The following PTPRF variants were observed in gnomAD, a reference collection of about 807,000 sequenced individuals.
PTPRF encodes the protein protein tyrosine phosphatase receptor type F.
Under a neutral mutation model 201.8 loss-of-function variants are expected in PTPRF, and 59 were observed. The observed-to-expected ratio is 0.29, with a 90% CI of 0.24 to 0.36. The LOEUF (loss-of-function observed/expected upper bound fraction) is 0.36. PTPRF is among the 10% of genes least tolerant of loss of function. PTPRF has a pLI of 1.00. For missense variants in PTPRF, 2,132 were observed against 2,690.5 expected, an observed-to-expected ratio of 0.79 and a Z score of 4.59; for synonymous variants, 1,088 against 1,089.7, an observed-to-expected ratio of 1.00 and a Z score of 0.03.
intron 3 of PTPRF, among the ~76,000 whole-genome samples, chr1:43,549,069 G>A (rs1431152132): frequency 6.6e-6 from 1 of 152,220 alleles, no homozygotes; most frequent in East Asian, 1.9e-4. Flanking sequence ...TACCCCGGGA[G>A]CTGTGCTGAA....
chr1:43,608,684 G>A (rs1655730848), intron 21 of PTPRF, among the ~76,000 whole-genome samples: 2 of 152,210 alleles, frequency 1.3e-5, no homozygotes, highest in Non-Finnish European at 2.9e-5. Flanking sequence ...AGACAGTCTC[G>A]CACAGAGCAA....
intron 5 of PTPRF, among the ~76,000 whole-genome samples, chr1:43,566,904 C>G (rs1646226066): frequency 6.6e-6 from 1 of 152,154 alleles, no homozygotes; most frequent in Non-Finnish European, 1.5e-5. Flanking sequence ...GAGCCAAGGA[C>G]AGAGCCACTG....
intron 30 of PTPRF, 104 bp from the exon 31 acceptor site, chr1:43,620,350 C>A: frequency 6.6e-7 from 1 of 1,521,716 alleles, no homozygotes. Context: ...CCTCAGGCGC[C>A]CGTTATTACT....
chr1:43,522,728 G>A (rs947390615), upstream of PTPRF, among the ~76,000 whole-genome samples: 4 of 152,244 alleles, frequency 2.6e-5, no homozygotes, highest in East Asian at 1.9e-4. Flanking sequence ...ATGGGGAGAG[G>A]GAAGGGGGAA....
intron 7 of PTPRF, among the ~76,000 whole-genome samples, chr1:43,581,676 G>A (rs1293843651): frequency 6.6e-6 from 1 of 152,250 alleles, no homozygotes; most frequent in African/African-American, 2.4e-5. Context: ...CTGACCACCA[G>A]CTCTGCATCC....
rs761723116 is a variant in PTPRF, at chr1:43,619,001, G to T, written c.4492-47G>T. On this transcript the variant is annotated intron_variant, in intron 26 of 33. Transcript: ENST00000359947. ...TCAGGTCATTCAGTCCTGAGTCTAT[G>T]GCAGGTAGGCTCCTAGTCGCCAGTA... The T allele has an allele frequency of 2.5e-6, 4 of 1,593,486 alleles. No homozygotes were observed. In the African/African-American group the frequency reaches 5.4e-5, roughly 21 times the overall value.
intron 22 of PTPRF, among the ~76,000 whole-genome samples, chr1:43,611,679 C>G (rs1360091679): frequency 1.3e-5 from 2 of 152,112 alleles, no homozygotes; most frequent in African/African-American, 4.8e-5. Context: ...GAAATTGAGG[C>G]AGGGAGACCA....
At chr1:43,582,016 C>T (rs1415211014) in intron 7 of PTPRF, among the ~76,000 whole-genome samples, 1 of 152,170 alleles carries the variant, frequency 6.6e-6, no homozygotes, top group East Asian at 1.9e-4. Context: ...TTACTGATGG[C>T]TTCCCACTGC....
chr1:43,577,165 G>A (rs142336241), intron 6 of PTPRF, among the ~76,000 whole-genome samples: 68 of 152,284 alleles, frequency 4.5e-4, no homozygotes, highest in African/African-American at 1.6e-3. Flanking sequence ...TGTGGCACCA[G>A]CCACCAGGTC....
chr1:43,558,163 G>A (rs530906042), intron 5 of PTPRF, among the ~76,000 whole-genome samples: 5 of 152,230 alleles, frequency 3.3e-5, no homozygotes, highest in South Asian at 2.1e-4. Flanking sequence ...AGTTGGGGTC[G>A]GGGAAGTAAG....
chr1:43,576,215 G>A (rs777927860), intron 6 of PTPRF, among the ~76,000 whole-genome samples: 8 of 152,252 alleles, frequency 5.3e-5, no homozygotes, highest in Non-Finnish European at 1.2e-4. Flanking sequence ...CCACAGAAGG[G>A]ACCCCATCAG....
intron 22 of PTPRF, among the ~76,000 whole-genome samples, chr1:43,612,484 TAGTCATAG>T (rs1656686023): frequency 1.3e-5 from 2 of 152,082 alleles, no homozygotes; most frequent in South Asian, 4.1e-4. Context: ...CTTAAGTATT[TAGTCATAG>T]AGCCCCCCAA....
Position 43,617,929 on chromosome 1 carries a change from T to G in PTPRF, c.4371+18T>G, listed in dbSNP as rs770351857. ...AGTCCCGGGTGAGGCTGCAGGGCCC[T>G]GCCAGGAGGCGGGTGGGAAATGCCC... On this transcript the variant is annotated intron_variant, in intron 25 of 33. Transcript: ENST00000359947. 1 of 1,592,546 alleles carries G rather than the reference T, an allele frequency of 6.3e-7. No homozygotes were observed. The highest frequency in any genetic ancestry group is 1.1e-5 in the South Asian group (1 of 89,864).
chr1:43,616,890 G>T (rs570878599), intron 23 of PTPRF, among the ~76,000 whole-genome samples: 32 of 152,240 alleles, frequency 2.1e-4, no homozygotes. Flanking sequence ...GGCCTAGAAG[G>T]AACCCTGGAG....
At chr1:43,616,372 C>T (rs1421269803) in intron 23 of PTPRF, among the ~76,000 whole-genome samples, 2 of 151,730 alleles carry the variant, frequency 1.3e-5, no homozygotes, top group African/African-American at 2.4e-5. Flanking sequence ...CACAGAAGGC[C>T]TTTAAGCAGG....
chr1:43,602,035 A>G lies in PTPRF; in HGVS notation c.2314-36A>G, dbSNP rs778685757. The G allele has an allele frequency of 8.7e-6, 14 of 1,605,474 alleles. No individual in the cohort carries two copies. The East Asian group carries it at 3.1e-4, about 36-fold the overall frequency. ...CCTCTCCAGGTCAGAGTCCTTCACC[A>G]TCCTGTCTCCCTTTCTCTCCCTCTC... is the stretch of plus-strand genomic sequence containing the variant. On this transcript the variant is annotated intron_variant, in intron 13 of 33. Coordinates refer to ENST00000359947, the MANE Select transcript of PTPRF (RefSeq NM_002840.5).
chr1:43,555,570 C>T (rs772829831), intron 5 of PTPRF, among the ~76,000 whole-genome samples: 4 of 151,738 alleles, frequency 2.6e-5, no homozygotes, highest in Admixed American at 6.6e-5. Flanking sequence ...CTCAGCCTCC[C>T]GAGTAGCTGG....
intron 23 of PTPRF, among the ~76,000 whole-genome samples, chr1:43,614,346 G>A (rs931490411): frequency 6.6e-6 from 1 of 152,196 alleles, no homozygotes; most frequent in Non-Finnish European, 1.5e-5. Context: ...GGGAGTCGGG[G>A]CCTCGAGACT....
chr1:43,538,738 G>A (rs958662302), intron 2 of PTPRF, among the ~76,000 whole-genome samples: 6 of 152,168 alleles, frequency 3.9e-5, no homozygotes, highest in East Asian at 1.9e-4. Flanking sequence ...TGTTCCCATC[G>A]ACTGTAGGTT....
Sources: gnomAD v4.1 joint callset for allele counts (sites outside exome capture counted in the v4.1 genomes callset) on GRCh38, gnomAD v4.1.1 for gene constraint, MANE v1.5 for transcripts, NCBI Gene and HGNC (gene_info 2026-07-23, HGNC 2026-07-21) for gene names.